Variants in INPP5F observed in about 807,000 individuals in gnomAD.
INPP5F encodes inositol polyphosphate-5-phosphatase F.
INPP5F carries 97 observed loss-of-function variants against 137.2 expected under a neutral mutation model. The observed-to-expected ratio is 0.71, with a 90% confidence interval of 0.60 to 0.84. The LOEUF is 0.84. Ranked by LOEUF, INPP5F falls within the 40% of genes least tolerant of loss-of-function variation. The pLI is 0.00. For missense variants in INPP5F, 1,271 were observed against 1,371.9 expected (o/e 0.93, Z 1.16); for synonymous variants, 504 against 476.9 (o/e 1.06, Z -0.74).
intron 1 of INPP5F, among the ~76,000 whole-genome samples, chr10:119,749,343 C>T (rs564057330): frequency 6.6e-6 from 1 of 152,356 alleles, no homozygotes; most frequent in East Asian, 1.9e-4. Context: ...CCGCGCCTCC[C>T]CGGATGCATC....
chr10:119,747,756 A>G (rs1848580741), intron 1 of INPP5F, among the ~76,000 whole-genome samples: 1 of 152,222 alleles, frequency 6.6e-6, no homozygotes, highest in African/African-American at 2.4e-5. Context: ...TGATGGGGGA[A>G]AAACTTCAAA....
intron 2 of INPP5F, among the ~76,000 whole-genome samples, chr10:119,766,703 G>A (rs1849175082): frequency 6.6e-6 from 1 of 152,150 alleles, no homozygotes; most frequent in South Asian, 2.1e-4. Flanking sequence ...GAATGACATC[G>A]TCAAAGTGCC....
chr10:119,804,198 C>T lies in INPP5F; in HGVS notation c.1142C>T (p.Ala381Val). ...KQVIINLVDQ[A>V]GREKIIGDAY... ...GTTATTATTAACTTGGTAGACCAGG[C>T]AGGAAGAGAGAAGATTATTGGCGAT... The change falls in exon 10 of 20, where the codon GCA becomes GTA. Residue 381 changes from alanine to valine, a missense_variant. Ala to Val is a moderately conservative substitution (Grantham distance 64, BLOSUM62 0). Around this residue, in one of 6 missense-constraint regions of INPP5F, gnomAD observed 593 missense variants for 712.4 expected, o/e 0.83. Transcript: ENST00000650623. The T allele has an allele frequency of 6.2e-7, 1 of 1,609,790 alleles. No individual in the cohort carries two copies. The highest frequency in any genetic ancestry group is 1.1e-5 in the South Asian group (1 of 90,786).
intron 2 of INPP5F, among the ~76,000 whole-genome samples, chr10:119,763,388 C>T (rs561615154): frequency 2.6e-5 from 4 of 152,314 alleles, no homozygotes; most frequent in Admixed American, 6.5e-5. Flanking sequence ...AATGCAGTCC[C>T]TGCCTACCCC....
At chr10:119,803,937 A>G (rs1025533561) in intron 9 of INPP5F, among the ~76,000 whole-genome samples, 3 of 152,232 alleles carry the variant, frequency 2.0e-5, no homozygotes, top group African/African-American at 7.2e-5. Context: ...TAGAAAAGCT[A>G]TTAATGTCAT....
chr10:119,781,625 C>T lies in INPP5F; in HGVS notation c.179-10C>T, dbSNP rs758112414. 6.2e-6 allele frequency: 10 copies of T among 1,600,138 alleles called. No homozygotes were observed. Among genetic ancestry groups the T allele is most frequent in the African/African-American group, 1.3e-5 (1 of 74,632 alleles). On this transcript the variant is annotated splice_polypyrimidine_tract_variant and intron_variant, in intron 2 of 19. Coordinates refer to ENST00000650623, the MANE Select transcript of INPP5F (RefSeq NM_014937.4). The stretch of plus-strand genomic sequence containing the variant: ...AAACGCCAGACTTTATTATGACTCT[C>T]CTCTTTCAGATCTTCCATGGTGGCT...
intron 2 of INPP5F, among the ~76,000 whole-genome samples, chr10:119,752,103 T>A (rs1165877287): frequency 1.3e-5 from 2 of 152,258 alleles, no homozygotes; most frequent in Non-Finnish European, 2.9e-5. Context: ...GGGAGCTAGA[T>A]TGATTTTTGT....
intron 2 of INPP5F, among the ~76,000 whole-genome samples, chr10:119,755,407 G>T (rs1225335563): frequency 1.3e-5 from 2 of 152,226 alleles, no homozygotes; most frequent in South Asian, 2.1e-4. Flanking sequence ...ATCTTGTAAT[G>T]ACATCAGTCA....
chr10:119,762,126 A>G (rs1849027694), intron 2 of INPP5F, among the ~76,000 whole-genome samples: 1 of 152,238 alleles, frequency 6.6e-6, no homozygotes, highest in Non-Finnish European at 1.5e-5. Flanking sequence ...ATCTCCATGT[A>G]AGTGGACCCT....
chr10:119,743,052 G>A (rs1350685437), intron 1 of INPP5F, among the ~76,000 whole-genome samples: 1 of 152,208 alleles, frequency 6.6e-6, no homozygotes, highest in East Asian at 1.9e-4. Flanking sequence ...GTGTTTTGAT[G>A]TTAACAAGCT....
chr10:119,736,999 C>G (rs1240275478), intron 1 of INPP5F, among the ~76,000 whole-genome samples: 1 of 151,966 alleles, frequency 6.6e-6, no homozygotes, highest in African/African-American at 2.4e-5. Flanking sequence ...AATTTTTTTA[C>G]AACATTTTTT....
intron 2 of INPP5F, among the ~76,000 whole-genome samples, chr10:119,775,718 T>C (rs1849502991): frequency 6.6e-6 from 1 of 152,182 alleles, no homozygotes; most frequent in Non-Finnish European, 1.5e-5. Context: ...TTGATAACTG[T>C]TGGGCCTAAG....
intron 9 of INPP5F, among the ~76,000 whole-genome samples, chr10:119,803,277 A>G (rs1850656922): frequency 6.6e-6 from 1 of 152,230 alleles, no homozygotes; most frequent in East Asian, 1.9e-4. Flanking sequence ...TAGAAAAACT[A>G]TTTAGATTCT....
chr10:119,732,539 G>A (rs1490581358), intron 1 of INPP5F, among the ~76,000 whole-genome samples: 1 of 60,272 alleles, frequency 1.7e-5, no homozygotes, highest in Non-Finnish European at 3.1e-5. Context: ...TTATTCTGTT[G>A]CCCAGGCTGG....
At position 119,805,587 on chromosome 10, in the gene INPP5F, T is replaced by C. The variant is rs529672703; in HGVS notation, c.1319+126T>C. The C allele has an allele frequency of 7.4e-6, 5 of 676,954 alleles. No homozygotes were observed. In the East Asian group the frequency reaches 1.1e-4, roughly 15 times the overall value. The allele number at this position is 676,954 out of a possible 1,614,324, so 41.9% of individuals were successfully genotyped here. On this transcript the variant is annotated intron_variant, in intron 11 of 19. Transcript: ENST00000650623. ...TTTGTTCGTTTTGCTTCCCAGTTCC[T>C]ATTCTTTTCAAGAGAATGTTGCTGA...
chr10:119,764,923 AT>A lies in INPP5F; in HGVS notation c.178+13770del, dbSNP rs760636513. On this transcript the variant is annotated intron_variant, in intron 2 of 19. Transcript: ENST00000650623. ...CATTTTCTTTTCTCTAGCTTACTTT[AT>A]TTATTCATTTATTTATTTATTTTTT... Among the ~76,000 whole-genome samples the A allele has an allele frequency of 1.2e-4, 18 of 150,464 alleles. No homozygotes were observed. The East Asian group carries it at 3.2e-3, about 26-fold the overall frequency.
chr10:119,826,839 T>C lies in INPP5F; in HGVS notation c.2458T>C (p.Leu820=). The C allele has an allele frequency of 1.9e-6, 3 of 1,613,538 alleles. No individual in the cohort carries two copies. The highest frequency in any genetic ancestry group is 1.7e-6 in the Non-Finnish European group (2 of 1,179,812). The change falls in exon 20 of 20, where the codon TTA becomes CTA. Residue 820 remains leucine, a synonymous_variant. Coordinates refer to ENST00000650623, the MANE Select transcript of INPP5F (RefSeq NM_014937.4). Reference sequence around the variant, plus strand: ...GAAAGTTAACTTTCTAAAACCAAACTTAAAAGTAAATCTTTGGAAATCAGA... The same window carrying C: ...GAAAGTTAACTTTCTAAAACCAAACCTAAAAGTAAATCTTTGGAAATCAGA... ...EMKVNFLKPN[L]KVNLWKSDSS...
intron 3 of INPP5F, among the ~76,000 whole-genome samples, chr10:119,786,103 GCTTTTCACATAAAATTATTTATGTCC>G (rs1236615725): frequency 6.6e-6 from 1 of 152,154 alleles, no homozygotes. Context: ...GTAGGTACCA[GCTTTTCACATAAAATTATTTATGTCC>G]CTTTTCTTAA....
chr10:119,777,225 A>G (rs1301106128), intron 2 of INPP5F, among the ~76,000 whole-genome samples: 1 of 152,116 alleles, frequency 6.6e-6, no homozygotes, highest in Non-Finnish European at 1.5e-5. Context: ...TAGGATAGAA[A>G]TGGCCGGGCG....
Sources: allele counts gnomAD v4.1 joint callset (sites outside exome capture counted in the v4.1 genomes callset), GRCh38; gene constraint gnomAD v4.1.1; regional missense constraint gnomAD v4.1.1; transcripts MANE v1.5; gene names NCBI Gene and HGNC (gene_info 2026-07-23, HGNC 2026-07-21).